The following ERG variants were observed in gnomAD, a reference collection of about 807,000 sequenced individuals.
ERG encodes ETS transcription factor ERG, also known as transcriptional regulator ERG.
A neutral mutation model predicts 55.3 loss-of-function variants in ERG; 9 were observed. The ratio of observed to expected loss-of-function variants is 0.16; its 90% CI spans 0.10 to 0.28. ERG has a LOEUF of 0.28. ERG is among the 10% of genes least tolerant of loss of function. The probability of loss-of-function intolerance (pLI) is 1.00; values close to 1 mark genes in which losing one functional copy is unlikely to be tolerated. For missense variants in ERG, 434 were observed against 631.6 expected, an observed-to-expected ratio of 0.69 and a Z score of 3.35; for synonymous variants, 223 against 237.3, an observed-to-expected ratio of 0.94 and a Z score of 0.55.
At chr21:38,659,644 T>C (rs965943607) in intron 1 of ERG, among the ~76,000 whole-genome samples, 1 of 152,252 alleles carries the variant, frequency 6.6e-6, no homozygotes, top group Non-Finnish European at 1.5e-5. Flanking sequence ...TATAGAGACA[T>C]GTACAGAGTG....
rs575587689 is a variant in ERG, at chr21:38,553,763, T to C, written c.-41+21899A>G. Among the ~76,000 whole-genome samples, 8 of 152,234 alleles carry C rather than the reference T, an allele frequency of 5.3e-5. No individual in the cohort carries two copies. In the East Asian group the frequency reaches 1.5e-3, roughly 29 times the overall value. On this transcript the variant is annotated intron_variant, in intron 2 of 8. Coordinates refer to the ERG transcript ENST00000398897. The stretch of plus-strand genomic sequence containing the variant: ...AACCTAGAACATACCATTCTGGACA[T>C]AGGCCCTGGCAAAGATTTCATGACA...
At chr21:38,626,537 T>A (rs2060325648) in intron 1 of ERG, among the ~76,000 whole-genome samples, 1 of 152,178 alleles carries the variant, frequency 6.6e-6, no homozygotes, top group Non-Finnish European at 1.5e-5. Context: ...AGGGCCACAT[T>A]ACAACATGTG....
intron 1 of ERG, among the ~76,000 whole-genome samples, chr21:38,454,525 A>C (rs2058970310): frequency 6.6e-6 from 1 of 152,100 alleles, no homozygotes. Context: ...TTTGACTCTC[A>C]ATTTCTTCAA....
rs952054342 is a variant in ERG, at chr21:38,603,206, G to A, written c.-149-18261C>T. Reference sequence around the variant, plus strand: ...TCTGCCACATGAAGAGACCCGAAACGCAGCTTACATCCAGAGCAAGTCCTT... The same window carrying A: ...TCTGCCACATGAAGAGACCCGAAACACAGCTTACATCCAGAGCAAGTCCTT... On this transcript the variant is annotated intron_variant, in intron 1 of 10. Transcript: ENST00000398910. Among the ~76,000 whole-genome samples the A allele has an allele frequency of 2.6e-5, 4 of 151,972 alleles. No homozygotes were observed. The South Asian group carries it at 6.2e-4, about 24-fold the overall frequency.
intron 2 of ERG, among the ~76,000 whole-genome samples, chr21:38,536,307 A>C (rs1049958665): frequency 2.6e-5 from 4 of 152,132 alleles, no homozygotes; most frequent in Non-Finnish European, 4.4e-5. Flanking sequence ...CAGTAGTAAC[A>C]CAAAGAACAA....
chr21:38,510,303 G>C (rs183553592), intron 2 of ERG, among the ~76,000 whole-genome samples: 2 of 152,226 alleles, frequency 1.3e-5, no homozygotes, highest in Non-Finnish European at 2.9e-5. Flanking sequence ...TGAGATACTG[G>C]ATTCCACATT....
intron 2 of ERG, among the ~76,000 whole-genome samples, chr21:38,573,324 A>C (rs1159923517): frequency 6.6e-6 from 1 of 152,198 alleles, no homozygotes; most frequent in African/African-American, 2.4e-5. Flanking sequence ...GCTGAGGTGG[A>C]TTAGTAAAAG....
At chr21:38,422,970 C>T (rs759689087) in intron 3 of ERG, among the ~76,000 whole-genome samples, 20 of 152,156 alleles carry the variant, frequency 1.3e-4, no homozygotes, top group Non-Finnish European at 2.6e-4. Flanking sequence ...GCAATTCCTC[C>T]CTAGAAAGGT....
intron 9 of ERG, among the ~76,000 whole-genome samples, chr21:38,385,415 C>T (rs1987646576): frequency 6.6e-6 from 1 of 152,210 alleles, no homozygotes; most frequent in Non-Finnish European, 1.5e-5. Context: ...TAACTGACAT[C>T]TACTCAGGGA....
chr21:38,405,878 C>T (rs930571983), intron 3 of ERG, among the ~76,000 whole-genome samples: 2 of 152,088 alleles, frequency 1.3e-5, no homozygotes, highest in African/African-American at 4.8e-5. Context: ...ACAGGCCAGG[C>T]GCGGTGGCTC....
At chr21:38,457,919 G>T (rs140172441) in intron 1 of ERG, among the ~76,000 whole-genome samples, 4 of 152,316 alleles carry the variant, frequency 2.6e-5, no homozygotes, top group Middle Eastern at 6.8e-3. Context: ...AAGAGAATTT[G>T]CACTTGCTCT....
At chr21:38,559,443 G>A (rs1168253367) in intron 2 of ERG, among the ~76,000 whole-genome samples, 3 of 121,382 alleles carry the variant, frequency 2.5e-5, no homozygotes, top group African/African-American at 3.3e-5. Context: ...GACCAACTCT[G>A]GGACCCAAAT....
upstream of ERG, among the ~76,000 whole-genome samples, chr21:38,586,897 C>A (rs2060068881): frequency 1.3e-5 from 2 of 152,118 alleles, no homozygotes; most frequent in Admixed American, 1.3e-4. Flanking sequence ...CCTAAGTGTC[C>A]ATCAACATAA....
intron 2 of ERG, among the ~76,000 whole-genome samples, chr21:38,546,744 C>G (rs1008998821): frequency 6.6e-6 from 1 of 152,212 alleles, no homozygotes; most frequent in Non-Finnish European, 1.5e-5. Flanking sequence ...TTAGAGGTAT[C>G]TGCTCCTGGC....
At chr21:38,611,566 C>T (rs914103456) in intron 1 of ERG, among the ~76,000 whole-genome samples, 2 of 152,202 alleles carry the variant, frequency 1.3e-5, no homozygotes, top group Non-Finnish European at 2.9e-5. Flanking sequence ...TCCCGGCTCC[C>T]CCTTCGCCTC....
chr21:38,547,916 A>C (rs1028497914), intron 2 of ERG, among the ~76,000 whole-genome samples: 1 of 152,110 alleles, frequency 6.6e-6, no homozygotes, highest in African/African-American at 2.4e-5. Flanking sequence ...AAAATGCAAA[A>C]AAAATTACAT....
intron 2 of ERG, among the ~76,000 whole-genome samples, chr21:38,560,943 C>T (rs2059889202): frequency 6.6e-6 from 1 of 152,018 alleles, no homozygotes; most frequent in Non-Finnish European, 1.5e-5. Flanking sequence ...AATAATAAGT[C>T]CTTCAGTTGA....
chr21:38,521,839 G>C (rs2059597252), intron 2 of ERG, among the ~76,000 whole-genome samples: 1 of 152,144 alleles, frequency 6.6e-6, no homozygotes, highest in African/African-American at 2.4e-5. Context: ...AAGTATTAAA[G>C]GGTGTCTTGG....
intron 6 of ERG, among the ~76,000 whole-genome samples, chr21:38,397,844 CTA>C (rs1988303200): frequency 2.0e-5 from 3 of 152,078 alleles, no homozygotes; most frequent in Non-Finnish European, 4.4e-5. Flanking sequence ...ATCAGGGACT[CTA>C]TAATGAAACG....
Sources: allele counts gnomAD v4.1 joint callset (sites outside exome capture counted in the v4.1 genomes callset), GRCh38; gene constraint gnomAD v4.1.1; transcripts MANE v1.5; gene names NCBI Gene and HGNC (gene_info 2026-07-23, HGNC 2026-07-21).